Variants in FLT1 observed in about 807,000 individuals in gnomAD.
FLT1 encodes the protein fms related receptor tyrosine kinase 1, also known as vascular endothelial growth factor receptor 1.
A neutral mutation model predicts 156.3 loss-of-function variants in FLT1; 49 were observed. The observed-to-expected ratio is 0.31, with a 90% confidence interval of 0.25 to 0.40. The LOEUF (loss-of-function observed/expected upper bound fraction) is 0.40, where lower values mean the gene tolerates loss of function less well. FLT1 is among the 10% of genes least tolerant of loss of function. FLT1 has a pLI of 1.00. For synonymous variants in FLT1, 594 were observed against 583.8 expected, an observed-to-expected ratio of 1.02 and a Z score of -0.25; for missense variants, 1,322 against 1,637.2, an observed-to-expected ratio of 0.81 and a Z score of 3.32.
intron 10 of FLT1, among the ~76,000 whole-genome samples, chr13:28,415,965 G>A (rs935285783): frequency 2.6e-5 from 4 of 152,158 alleles, no homozygotes; most frequent in African/African-American, 9.7e-5. Flanking sequence ...TGTATATGAT[G>A]CCACTTCAGA....
intron 16 of FLT1, among the ~76,000 whole-genome samples, chr13:28,343,756 C>T (rs1872443807): frequency 6.6e-6 from 1 of 151,814 alleles, no homozygotes. Flanking sequence ...CATTCTCCTG[C>T]CTCAGCCTCC....
At chr13:28,481,444 C>CACACAT (rs1194206300) in intron 1 of FLT1, among the ~76,000 whole-genome samples, 2 of 110,988 alleles carry the variant, frequency 1.8e-5, no homozygotes, top group Non-Finnish European at 3.7e-5. Flanking sequence ...TCCGCTTATA[C>CACACAT]ACACACACAC....
Position 28,417,666 on chromosome 13 carries a change from AT to A in FLT1, c.1436+9492del, listed in dbSNP as rs1404241833. 6.4e-5 allele frequency among the ~76,000 whole-genome samples: 5 copies of A among 77,642 alleles called. No individual in the cohort carries two copies. The East Asian group carries it at 1.9e-3, about 29-fold the overall frequency. The allele number at this position is 77,642 out of a possible 152,430, so 50.9% of individuals were successfully genotyped here. ...AAAATTAAATCTTTAACATTCCTTA[AT>A]TCCGTTTTTTTTTTTTTGAGATGGG... On this transcript the variant is annotated intron_variant, in intron 10 of 29. Coordinates refer to ENST00000282397, the MANE Select transcript of FLT1 (RefSeq NM_002019.4).
intron 8 of FLT1, among the ~76,000 whole-genome samples, chr13:28,429,726 TC>T (rs1877560113): frequency 6.6e-6 from 1 of 152,164 alleles, no homozygotes; most frequent in African/African-American, 2.4e-5. Flanking sequence ...TCAAAATGCT[TC>T]CTAGTCATTG....
intron 17 of FLT1, among the ~76,000 whole-genome samples, chr13:28,336,968 G>C (rs1054563941): frequency 1.3e-5 from 2 of 151,700 alleles, no homozygotes; most frequent in Non-Finnish European, 1.5e-5. Flanking sequence ...GGCTGGTCTC[G>C]AACTCCTGAC....
In FLT1 at chr13:28,321,546, A is replaced by T. The variant is rs752792142; in HGVS notation, c.3091T>A (p.Ser1031Thr). ...RDLAARNILLSENNVVKICDF... is the reference protein window; with the variant it reads ...RDLAARNILLTENNVVKICDF... ...CAAATCTTCACCACGTTGTTCTCAGATAAAAGAATGTTTCTCGCTGCCAGG... is the reference window on the plus strand; with the variant it reads ...CAAATCTTCACCACGTTGTTCTCAGTTAAAAGAATGTTTCTCGCTGCCAGG... The change falls in exon 23 of 30, where the codon TCT (serine) becomes ACT (threonine). Residue 1031 changes from serine to threonine, a missense_variant. This residue lies in a region of FLT1 where 991 missense variants were observed against 1,254.8 expected (regional missense o/e 0.79). Transcript: ENST00000282397. The T allele has an allele frequency of 7.4e-6, 12 of 1,614,218 alleles. No individual in the cohort carries two copies. The highest frequency in any genetic ancestry group is 9.3e-6 in the Non-Finnish European group (11 of 1,180,014).
chr13:28,372,069 TATATATA>T (rs1177730157), intron 14 of FLT1, among the ~76,000 whole-genome samples: 4 of 28,810 alleles, frequency 1.4e-4, no homozygotes, highest in East Asian at 1.4e-3. Flanking sequence ...TATATATATA[TATATATA>T]TTTTTTTTTT....
At chr13:28,483,731 G>T (rs1198939606) in intron 1 of FLT1, among the ~76,000 whole-genome samples, 1 of 152,180 alleles carries the variant, frequency 6.6e-6, no homozygotes, top group Non-Finnish European at 1.5e-5. Context: ...ACTGTACAAG[G>T]ACTGCCAATC....
intron 1 of FLT1, among the ~76,000 whole-genome samples, chr13:28,473,733 G>GAAA (rs1566050307): frequency 2.7e-3 from 128 of 47,784 alleles, no homozygotes; most frequent in African/African-American, 4.5e-3. Flanking sequence ...AAAGAAAGAA[G>GAAA]GAAGGAAGGA....
intron 3 of FLT1, among the ~76,000 whole-genome samples, chr13:28,442,697 T>C (rs976008757): frequency 3.4e-5 from 4 of 117,682 alleles, no homozygotes; most frequent in Non-Finnish European, 5.2e-5. Context: ...CATATGACTG[T>C]AGATACACAC....
intron 14 of FLT1, among the ~76,000 whole-genome samples, chr13:28,377,228 C>T (rs1873874112): frequency 6.6e-6 from 1 of 152,148 alleles, no homozygotes; most frequent in Non-Finnish European, 1.5e-5. Flanking sequence ...CTAAGAGTTC[C>T]CAGTTGCTTC....
At chr13:28,435,609 C>G (rs150162636) in intron 4 of FLT1, among the ~76,000 whole-genome samples, 1 of 152,316 alleles carries the variant, frequency 6.6e-6, no homozygotes, top group East Asian at 1.9e-4. Context: ...CACCTGGCAT[C>G]CCTCGCTCTA....
In FLT1 at chr13:28,306,660, A is replaced by C; in HGVS notation, c.3815+18T>G. The C allele has an allele frequency of 6.3e-7, 1 of 1,576,092 alleles. No individual in the cohort carries two copies. The highest frequency in any genetic ancestry group is 8.7e-7 in the Non-Finnish European group (1 of 1,145,372). ...ACCCCTCCATCAACTGATCACAGAAAAGATACCCAATTCTTACTCAATCTT... is the reference window on the plus strand; with the variant it reads ...ACCCCTCCATCAACTGATCACAGAACAGATACCCAATTCTTACTCAATCTT... On this transcript the variant is annotated intron_variant, in intron 29 of 29. Transcript: ENST00000282397.
chr13:28,320,089 C>T (rs1168071130), intron 23 of FLT1, among the ~76,000 whole-genome samples: 1 of 152,186 alleles, frequency 6.6e-6, no homozygotes, highest in East Asian at 1.9e-4. Flanking sequence ...AAATCTTCCT[C>T]TCTTTCAGAT....
At chr13:28,355,904 C>G (rs1008538891) in intron 15 of FLT1, among the ~76,000 whole-genome samples, 4 of 152,212 alleles carry the variant, frequency 2.6e-5, no homozygotes, top group African/African-American at 9.7e-5. Context: ...TTTAAGCACA[C>G]TGGCTTCTGA....
rs560747749 is a variant in FLT1, at chr13:28,481,176, G to A, written c.65-13559C>T. Among the ~76,000 whole-genome samples the A allele has an allele frequency of 1.2e-3, 179 of 152,288 alleles. 1 individual carries two copies. Among genetic ancestry groups the A allele is most frequent in the African/African-American group, 4.2e-3 (175 of 41,554 alleles). On this transcript the variant is annotated intron_variant, in intron 1 of 29. Coordinates refer to ENST00000282397, the MANE Select transcript of FLT1 (RefSeq NM_002019.4). ...TCTTCTGTGCTGTTTGGGAACCTAAGCCAGTTAACAGTCTCCCAGCAGGAA... is the reference window on the plus strand; with the variant it reads ...TCTTCTGTGCTGTTTGGGAACCTAAACCAGTTAACAGTCTCCCAGCAGGAA...
intron 1 of FLT1, among the ~76,000 whole-genome samples, chr13:28,493,199 G>C (rs662560): frequency 0.089 from 13,543 of 152,158 alleles, 780 homozygotes; most frequent in Admixed American, 0.19. Flanking sequence ...ATGTAATTTA[G>C]CTAGATTTAT....
intron 1 of FLT1, among the ~76,000 whole-genome samples, chr13:28,475,379 G>A (rs1450454022): frequency 6.6e-6 from 1 of 152,146 alleles, no homozygotes; most frequent in African/African-American, 2.4e-5. Context: ...TGTGTTTTCA[G>A]TAGTACATAA....
At chr13:28,370,378 A>C (rs1417647048) in intron 14 of FLT1, among the ~76,000 whole-genome samples, 1 of 152,152 alleles carries the variant, frequency 6.6e-6, no homozygotes, top group Non-Finnish European at 1.5e-5. Context: ...ATGACGAGTT[A>C]ATGGGTGCAG....
Sources: gnomAD v4.1 joint callset for allele counts (sites outside exome capture counted in the v4.1 genomes callset) on GRCh38, gnomAD v4.1.1 for gene constraint, gnomAD v4.1.1 regional missense constraint, MANE v1.5 for transcripts, NCBI Gene and HGNC (gene_info 2026-07-23, HGNC 2026-07-21) for gene names.